EDA: variants seen among roughly 807,000 people sequenced by gnomAD.
EDA encodes the protein ectodysplasin-A.
A neutral mutation model predicts 23.6 loss-of-function variants in EDA; 2 were observed. The ratio of observed to expected loss-of-function variants is 0.08; its 90% confidence interval spans 0.03 to 0.27. The LOEUF (loss-of-function observed/expected upper bound fraction) is 0.27, where lower values mean the gene tolerates loss of function less well. Ranked by LOEUF, EDA falls within the 10% of genes least tolerant of loss-of-function variation. The pLI is 1.00. For synonymous variants in EDA, 131 were observed against 132.0 expected (o/e 0.99, Z 0.05); for missense variants, 229 against 324.2 (o/e 0.71, Z 2.26).
chrX:69,617,777 C>T (rs762756728), intron 1 of EDA: 1 of 346,834 alleles, frequency 2.9e-6, no homozygotes, highest in South Asian at 2.7e-5. Flanking sequence ...GTGAGGGACC[C>T]AAGCCTTCTA....
At chrX:69,893,927 C>T (rs1279524983) in intron 1 of EDA, among the ~76,000 whole-genome samples, 1 of 112,024 alleles carries the variant, frequency 8.9e-6, no homozygotes, top group Non-Finnish European at 1.9e-5. Flanking sequence ...AGGTCTCCCC[C>T]AGCACCAACT....
intron 1 of EDA, among the ~76,000 whole-genome samples, chrX:69,778,296 A>G (rs956471838): frequency 7.2e-5 from 8 of 111,745 alleles, no homozygotes; most frequent in African/African-American, 2.6e-4. Context: ...AGCAAGAATC[A>G]TTATACCAAC....
intron 1 of EDA, among the ~76,000 whole-genome samples, chrX:69,645,594 G>GTGTGTGTATATATA (rs761843083): frequency 2.0e-5 from 1 of 50,068 alleles, no homozygotes; most frequent in Non-Finnish European, 3.2e-5. Context: ...TTATATATAT[G>GTGTGTGTATATATA]TGTGTGTGTA....
At chrX:69,788,577 G>C (rs1319104445) in intron 1 of EDA, among the ~76,000 whole-genome samples, 1 of 111,504 alleles carries the variant, frequency 9.0e-6, no homozygotes, top group Non-Finnish European at 1.9e-5. Flanking sequence ...TGCCCCTGCT[G>C]GGGGGTGCCT....
intron 1 of EDA, among the ~76,000 whole-genome samples, chrX:69,796,467 C>G (rs994920994): frequency 8.9e-6 from 1 of 111,823 alleles, no homozygotes; most frequent in African/African-American, 3.3e-5. Flanking sequence ...ATCCCTGATG[C>G]TGTTTATAGC....
At chrX:70,020,156 G>T (rs1250777937) in intron 2 of EDA, among the ~76,000 whole-genome samples, 2 of 111,899 alleles carry the variant, frequency 1.8e-5, no homozygotes, top group African/African-American at 6.5e-5. Context: ...TATAGGAAAA[G>T]ATTATTAGGT....
At chrX:69,890,008 C>T (rs956371445) in intron 1 of EDA, among the ~76,000 whole-genome samples, 5 of 111,714 alleles carry the variant, frequency 4.5e-5, no homozygotes, top group African/African-American at 1.3e-4. Context: ...CGTGGATATT[C>T]GGTTGTCCAA....
chrX:69,823,585 T>C (rs2016304144), intron 1 of EDA, among the ~76,000 whole-genome samples: 1 of 79,112 alleles, frequency 1.3e-5, no homozygotes, highest in Non-Finnish European at 2.3e-5. Context: ...TCATTGTAGA[T>C]TCTGGATATT....
intron 1 of EDA, among the ~76,000 whole-genome samples, chrX:69,629,208 G>A (rs1055860181): frequency 3.6e-5 from 4 of 111,668 alleles, no homozygotes; most frequent in South Asian, 3.8e-4. Flanking sequence ...GACAGGCCGC[G>A]TTCTGGCCTT....
intron 1 of EDA, among the ~76,000 whole-genome samples, chrX:69,884,498 C>T (rs749813329): frequency 1.8e-5 from 2 of 111,891 alleles, no homozygotes; most frequent in South Asian, 3.7e-4. Flanking sequence ...TTTTTAGAAA[C>T]GAAGTAAAAG....
chrX:69,990,081 T>G (rs1160309366), intron 2 of EDA, among the ~76,000 whole-genome samples: 1 of 110,799 alleles, frequency 9.0e-6, no homozygotes, highest in Non-Finnish European at 1.9e-5. Context: ...TGATTATCTT[T>G]TCTTCATTCA....
intron 1 of EDA, among the ~76,000 whole-genome samples, chrX:69,739,953 G>C (rs1447105291): frequency 9.0e-6 from 1 of 111,082 alleles, no homozygotes; most frequent in Non-Finnish European, 1.9e-5. Context: ...CATTTATATA[G>C]AGTGTATTAT....
chrX:69,793,570 G>GTTTTTTTTTTT (rs67241807), intron 1 of EDA, among the ~76,000 whole-genome samples: 9 of 58,758 alleles, frequency 1.5e-4, no homozygotes, highest in East Asian at 6.4e-4. Context: ...GTTTGTTTTT[G>GTTTTTTTTTTT]TTTTTTTTTT....
intron 2 of EDA, 96 bp from the exon 3 acceptor site, chrX:70,023,122 C>A: frequency 5.9e-6 from 3 of 511,546 alleles, no homozygotes; most frequent in Non-Finnish European, 9.5e-6. Flanking sequence ...CTCAAATTTG[C>A]AGTGTCTTGG....
At chrX:69,684,652 A>T (rs1257205744) in intron 1 of EDA, among the ~76,000 whole-genome samples, 2 of 112,496 alleles carry the variant, frequency 1.8e-5, no homozygotes, top group Non-Finnish European at 3.8e-5. Context: ...CTCTAACTAG[A>T]ATTGAAATGC....
At chrX:69,677,743 G>C (rs1266483921) in intron 1 of EDA, among the ~76,000 whole-genome samples, 1 of 111,554 alleles carries the variant, frequency 9.0e-6, no homozygotes, top group East Asian at 2.8e-4. Flanking sequence ...CAGATGAGTA[G>C]GTTGTGAAAA....
intron 1 of EDA, among the ~76,000 whole-genome samples, chrX:69,875,630 A>G (rs1179927175): frequency 8.9e-6 from 1 of 112,384 alleles, no homozygotes; most frequent in African/African-American, 3.2e-5. Context: ...ACAAAGATAA[A>G]TAAGTGGGAC....
chrX:69,842,882 C>T (rs1226941163), intron 1 of EDA, among the ~76,000 whole-genome samples: 2 of 111,686 alleles, frequency 1.8e-5, no homozygotes, highest in African/African-American at 6.5e-5. Flanking sequence ...CCACCTTTGC[C>T]TTCTGCTATG....
At chrX:69,676,514 G>A (rs1003385635) in intron 1 of EDA, among the ~76,000 whole-genome samples, 4 of 107,955 alleles carry the variant, frequency 3.7e-5, no homozygotes, top group African/African-American at 7.1e-5. Flanking sequence ...GCGCGCGCAC[G>A]TGTGCTTGTG....
Sources: gnomAD v4.1 joint callset for allele counts (sites outside exome capture counted in the v4.1 genomes callset) on GRCh38, gnomAD v4.1.1 for gene constraint, MANE v1.5 for transcripts, NCBI Gene and HGNC (gene_info 2026-07-23, HGNC 2026-07-21) for gene names.